MTHFSD: variants seen among roughly 807,000 people sequenced by gnomAD.
The protein encoded by MTHFSD is methenyltetrahydrofolate synthetase domain containing, also known as methenyltetrahydrofolate synthase domain-containing protein.
Under a neutral mutation model 31.1 loss-of-function variants are expected in MTHFSD, and 37 were observed. That is an observed-to-expected ratio of 1.19 (90% CI 0.91 to 1.56). MTHFSD has a LOEUF of 1.56. Among genes scored for constraint, MTHFSD ranks in the 40% most tolerant of loss-of-function variants. The pLI is 0.00. For synonymous variants in MTHFSD, 221 were observed against 206.9 expected (o/e 1.07, Z -0.59); for missense variants, 664 against 510.1 (o/e 1.30, Z -2.91).
At position 86,554,722 on chromosome 16, in the gene MTHFSD, G is replaced by A. The variant is rs1973811077; in HGVS notation, c.46C>T (p.Gln16Ter). Reference sequence around the variant, plus strand: ...TGTGATTCCATGTAGCCCCAAATTTGTTCACGTATGTCCTGTTTGGAGACA... The same window carrying A: ...TGTGATTCCATGTAGCCCCAAATTTATTCACGTATGTCCTGTTTGGAGACA... ...VGVSKQDIRE[Q>*]IWGYMESQNL... The change falls in exon 2 of 8, where the codon CAA (glutamine) becomes TAA (stop). Residue 16 changes from glutamine to a stop codon, truncating the protein, a stop_gained. Transcript: ENST00000360900. LOFTEE classifies it high-confidence loss of function. 6.2e-7 allele frequency: 1 copy of A among 1,614,132 alleles called. No individual in the cohort carries two copies. Among genetic ancestry groups the A allele is most frequent in the East Asian group, 2.2e-5 (1 of 44,878 alleles).
chr16:86,537,544 A>T (rs982877941), intron 7 of MTHFSD, among the ~76,000 whole-genome samples: 1 of 152,174 alleles, frequency 6.6e-6, no homozygotes, highest in African/African-American at 2.4e-5. Context: ...TTCTTTTTCA[A>T]TGAAAGCCTC....
intron 5 of MTHFSD, among the ~76,000 whole-genome samples, chr16:86,544,525 G>A (rs1971996244): frequency 6.6e-6 from 1 of 152,190 alleles, no homozygotes; most frequent in South Asian, 2.1e-4. Flanking sequence ...AAACCACAAT[G>A]AGACACCACC....
intron 4 of MTHFSD, chr16:86,548,173 G>C (rs1055917906): frequency 4.0e-6 from 5 of 1,244,282 alleles, no homozygotes; most frequent in Non-Finnish European, 5.3e-6. Flanking sequence ...GGTTAACACC[G>C]GGCAGTGCCA....
At chr16:86,536,786 C>T (rs1405261815) in intron 7 of MTHFSD, among the ~76,000 whole-genome samples, 1 of 152,246 alleles carries the variant, frequency 6.6e-6, no homozygotes, top group African/African-American at 2.4e-5. Flanking sequence ...GGAGTGGCTG[C>T]CTCCCTCCCC....
intron 2 of MTHFSD, among the ~76,000 whole-genome samples, chr16:86,552,632 T>C (rs1327140593): frequency 6.6e-6 from 1 of 152,238 alleles, no homozygotes; most frequent in South Asian, 2.1e-4. Flanking sequence ...ATTCGTTTTT[T>C]AAAGATTTCT....
In MTHFSD at chr16:86,554,639, C is replaced by T. The variant is rs767388104; in HGVS notation, c.123+6G>A. The T allele has an allele frequency of 6.2e-7, 1 of 1,606,844 alleles. No homozygotes were observed. The highest frequency in any genetic ancestry group is 1.3e-5 in the African/African-American group (1 of 74,792). On this transcript the variant is annotated splice_donor_region_variant and intron_variant, in intron 2 of 7. Transcript: ENST00000360900. ...CCTTTTCTGGACTCCAGAAATATGT[C>T]AGTACCTTAAAGTTGGGTATCCTGT...
Position 86,531,964 on chromosome 16 carries a change from G to T in MTHFSD, c.*47C>A. ...GTGCCATCGGAACCGGAGCGGCAGG[G>T]GACGGGGATGGCGAGTCTGCAGTGA... On this transcript the variant is annotated 3_prime_UTR_variant, in exon 8 of 8. Coordinates refer to ENST00000360900, the MANE Select transcript of MTHFSD (RefSeq NM_001159377.2). The surrounding 1 kb of genome is among the most constrained non-coding windows in gnomAD (Gnocchi z 5.5). 2 of 1,300,998 alleles carry T rather than the reference G, an allele frequency of 1.5e-6. No individual in the cohort carries two copies. Among genetic ancestry groups the T allele is most frequent in the Non-Finnish European group, 2.0e-6 (2 of 995,590 alleles). The allele number at this position is 1,300,998 out of a possible 1,614,324, so 80.6% of individuals were successfully genotyped here.
chr16:86,553,984 G>C (rs952331960), intron 2 of MTHFSD, among the ~76,000 whole-genome samples: 1 of 152,180 alleles, frequency 6.6e-6, no homozygotes, highest in African/African-American at 2.4e-5. Flanking sequence ...CTCAGGGATT[G>C]TAAACGCACC....
In MTHFSD at chr16:86,552,039, C is replaced by T; in HGVS notation, c.231G>A (p.Val77=). 2 of 1,614,176 alleles carry T rather than the reference C, an allele frequency of 1.2e-6. No individual in the cohort carries two copies. Residue 77 remains valine, a synonymous_variant, in exon 3 of 8, where the codon GTG becomes GTA. Coordinates refer to ENST00000360900, the MANE Select transcript of MTHFSD (RefSeq NM_001159377.2). Reference sequence around the variant, plus strand: ...CTCAGGGAAGTGGAATTACCTGCAGCACCAGCAGCCGAACGCCTTCCAGTG... The same window carrying T: ...CTCAGGGAAGTGGAATTACCTGCAGTACCAGCAGCCGAACGCCTTCCAGTG... ...DKPLEGVRLL[V]LQSKKTLLVP... is the part of the protein sequence containing the mutation.
chr16:86,532,264 TC>T lies in MTHFSD; in HGVS notation c.898del (p.Glu300ArgfsTer20). The part of the protein sequence containing the change: ...MEAAPGSPPG[E>X]GAPLAADVYV... Reference sequence around the variant, plus strand: ...AACATCGGCTGCAAGCGGGGCACCCTCCCCTGGTGGGGAGCCAGGGGCTGCC... The same window carrying T: ...AACATCGGCTGCAAGCGGGGCACCCTCCCTGGTGGGGAGCCAGGGGCTGCC... On this transcript the variant is annotated frameshift_variant, in exon 8 of 8. Transcript: ENST00000360900. LOFTEE classifies it low-confidence loss of function (END_TRUNC). 1.9e-6 allele frequency: 3 copies of T among 1,565,612 alleles called. No homozygotes were observed. The highest frequency in any genetic ancestry group is 1.9e-5 in the Admixed American group (1 of 52,294).
At chr16:86,538,967 T>C (rs1292799194) in intron 7 of MTHFSD, among the ~76,000 whole-genome samples, 1 of 152,010 alleles carries the variant, frequency 6.6e-6, no homozygotes, top group Non-Finnish European at 1.5e-5. Context: ...GAGCAGACAA[T>C]GTGCCTTCTA....
chr16:86,544,539 T>C (rs1185616853), intron 5 of MTHFSD, among the ~76,000 whole-genome samples: 1 of 152,202 alleles, frequency 6.6e-6, no homozygotes, highest in Non-Finnish European at 1.5e-5. Context: ...CACCACCTCA[T>C]GCCAGTCAGA....
chr16:86,548,498 G>A lies in MTHFSD; in HGVS notation c.317C>T (p.Thr106Ile), dbSNP rs1972657685. ...FNKITPPPGA[T>I]KDILRKCATS... ...GGCACATTTTCTCAAGATGTCTTTA[G>A]TTGCCCCAGGGGGTGGTGTGATCTT... The change falls in exon 4 of 8, where the codon ACT becomes ATT. Residue 106 changes from threonine to isoleucine, a missense_variant. By Grantham distance (89) the Thr-to-Ile change is moderately conservative. Coordinates refer to ENST00000360900, the MANE Select transcript of MTHFSD (RefSeq NM_001159377.2). 1.2e-6 allele frequency: 2 copies of A among 1,613,768 alleles called. No individual in the cohort carries two copies. The highest frequency in any genetic ancestry group is 1.7e-6 in the Non-Finnish European group (2 of 1,179,954).
intron 7 of MTHFSD, among the ~76,000 whole-genome samples, chr16:86,536,771 C>T (rs373403218): frequency 3.3e-5 from 5 of 152,254 alleles, no homozygotes; most frequent in African/African-American, 1.2e-4. Context: ...ATTGCGAGGC[C>T]CGCGGGAGTG....
At position 86,541,752 on chromosome 16, in the gene MTHFSD, C is replaced by A; in HGVS notation, c.626G>T (p.Arg209Ile). Reference protein sequence around the residue: ...ITVDYILTPTRVIATGCKRPK... With the variant: ...ITVDYILTPTIVIATGCKRPK... ...GCGCTTGCAGCCTGTGGCGATGACT[C>A]TGGTTGGAGTGAGGATGTAGTCCAC... The change falls in exon 7 of 8, where the codon AGA becomes ATA. Residue 209 changes from arginine to isoleucine, a missense_variant. By Grantham distance (97) the Arg-to-Ile change is moderately conservative. Coordinates refer to ENST00000360900, the MANE Select transcript of MTHFSD (RefSeq NM_001159377.2). 1 of 1,614,188 alleles carries A rather than the reference C, an allele frequency of 6.2e-7. No homozygotes were observed.
At chr16:86,532,659 T>A (rs1970131384) in intron 7 of MTHFSD, 178 bp from the exon 8 acceptor site, 3 of 428,214 alleles carry the variant, frequency 7.0e-6, no homozygotes, top group Non-Finnish European at 1.2e-5. Context: ...ACAGACGATG[T>A]CACCAGTCTG....
chr16:86,552,144 C>T lies in MTHFSD; in HGVS notation c.126G>A (p.Gly42=), dbSNP rs1258962514. ...PVHHRIPNFK[G]SYLACQNIKD... Reference sequence around the variant, plus strand: ...TGATGTTTTGGCAAGCCAGATAAGACCCCTAGTTAGGCAAATAGACAGAGT... The same window carrying T: ...TGATGTTTTGGCAAGCCAGATAAGATCCCTAGTTAGGCAAATAGACAGAGT... The change falls in exon 3 of 8, where the codon GGG becomes GGA. Residue 42 remains glycine (G), a splice_region_variant and synonymous_variant. Coordinates refer to ENST00000360900, the MANE Select transcript of MTHFSD (RefSeq NM_001159377.2). The T allele has an allele frequency of 1.2e-6, 2 of 1,614,212 alleles. No individual in the cohort carries two copies. Among genetic ancestry groups the T allele is most frequent in the East Asian group, 2.2e-5 (1 of 44,884 alleles).
intron 4 of MTHFSD, chr16:86,547,541 A>G: frequency 2.0e-6 from 2 of 986,778 alleles, no homozygotes; most frequent in Non-Finnish European, 2.4e-6. Flanking sequence ...ATCATCTCGC[A>G]GGGTCCACGG....
chr16:86,547,036 C>T (rs1972419783), intron 4 of MTHFSD: 1 of 519,746 alleles, frequency 1.9e-6, no homozygotes, highest in Non-Finnish European at 2.5e-6. Flanking sequence ...CTCTCTGAGC[C>T]TCAGTTTCTT....
Sources: allele counts gnomAD v4.1 joint callset (sites outside exome capture counted in the v4.1 genomes callset), GRCh38; gene constraint gnomAD v4.1.1; non-coding constraint Gnocchi (gnomAD v3.1); transcripts MANE v1.5; gene names NCBI Gene and HGNC (gene_info 2026-07-23, HGNC 2026-07-21).